The following COL4A1 variants were observed in gnomAD, a reference collection of about 807,000 sequenced individuals.
COL4A1 encodes the protein collagen alpha-1(IV) chain.
COL4A1 carries 40 observed loss-of-function variants against 216.6 expected under a neutral mutation model. The observed-to-expected ratio is 0.18, with a 90% CI of 0.14 to 0.24. The LOEUF (loss-of-function observed/expected upper bound fraction) is 0.24. Ranked by LOEUF, COL4A1 falls within the 10% of genes least tolerant of loss-of-function variation. COL4A1 has a pLI of 1.00. For missense variants in COL4A1, 1,628 were observed against 2,196.8 expected, an observed-to-expected ratio of 0.74 and a Z score of 5.18; for synonymous variants, 839 against 810.7, an observed-to-expected ratio of 1.03 and a Z score of -0.59.
intron 18 of COL4A1, 146 bp from the exon 19 acceptor site, chr13:110,201,668 G>T: frequency 1.2e-6 from 1 of 817,372 alleles, no homozygotes; most frequent in Non-Finnish European, 2.1e-6. Flanking sequence ...AGCGGACAAG[G>T]AGGAAGGGGA....
At chr13:110,238,343 C>T (rs1030753727) in intron 2 of COL4A1, among the ~76,000 whole-genome samples, 19 of 152,152 alleles carry the variant, frequency 1.2e-4, no homozygotes, top group Non-Finnish European at 2.6e-4. Context: ...TAGTAGAAAC[C>T]GTCAAATCTT....
chr13:110,206,983 C>A, intron 13 of COL4A1, 92 bp from the exon 14 acceptor site: 2 of 1,300,924 alleles, frequency 1.5e-6, no homozygotes, highest in South Asian at 2.5e-5. Context: ...AAAAAAAAAC[C>A]TTTTTCTGAT....
intron 1 of COL4A1, among the ~76,000 whole-genome samples, chr13:110,262,808 T>C (rs1485723240): frequency 1.3e-5 from 2 of 152,246 alleles, no homozygotes; most frequent in Non-Finnish European, 2.9e-5. Context: ...CCAATGGGTC[T>C]AAGTCTCCTT....
intron 2 of COL4A1, among the ~76,000 whole-genome samples, chr13:110,220,733 T>A (rs537613507): frequency 3.3e-5 from 5 of 152,080 alleles, no homozygotes; most frequent in Non-Finnish European, 5.9e-5. Context: ...CTGCCGATGA[T>A]GGAGATGAGC....
At chr13:110,197,028 A>G (rs2139185412) in intron 21 of COL4A1, among the ~76,000 whole-genome samples, 1 of 152,346 alleles carries the variant, frequency 6.6e-6, no homozygotes, top group Non-Finnish European at 1.5e-5. Flanking sequence ...CAGCTAACAC[A>G]TCCCATTCAA....
chr13:110,237,395 G>A (rs562051902), intron 2 of COL4A1, among the ~76,000 whole-genome samples: 8 of 152,234 alleles, frequency 5.3e-5, no homozygotes, highest in South Asian at 2.1e-4. Context: ...CCCACCCCCC[G>A]CCAGGAGACA....
intron 12 of COL4A1, among the ~76,000 whole-genome samples, chr13:110,208,577 T>A (rs1462163566): frequency 1.3e-5 from 2 of 152,156 alleles, no homozygotes; most frequent in African/African-American, 2.4e-5. Context: ...CGAAGAAGAG[T>A]TTGAACTCTT....
rs1566395531 is a variant in COL4A1 at position 110,230,143 on chromosome 13, A to AG, written c.144+12531dup. Among the ~76,000 whole-genome samples the AG allele has an allele frequency of 7.7e-4, 33 of 42,614 alleles. No individual in the cohort carries two copies. The East Asian group carries it at 0.022, about 29-fold the overall frequency. The allele number at this position is 42,614 out of a possible 152,430, so 28.0% of individuals were successfully genotyped here. Reference sequence around the variant, plus strand: ...CACGTGGTGGAGGGGGAGGGCTGGGAGGTTCCTGAAGAAAGTGCGTGTGTG... The same window carrying AG: ...CACGTGGTGGAGGGGGAGGGCTGGGAGGGTTCCTGAAGAAAGTGCGTGTGTG... On this transcript the variant is annotated intron_variant, in intron 2 of 51. Coordinates refer to ENST00000375820, the MANE Select transcript of COL4A1 (RefSeq NM_001845.6).
intron 2 of COL4A1, among the ~76,000 whole-genome samples, chr13:110,219,692 A>G (rs199564578): frequency 6.7e-4 from 63 of 93,936 alleles, no homozygotes; most frequent in Middle Eastern, 4.6e-3. Flanking sequence ...ATATATATGT[A>G]TATATATGTA....
At chr13:110,151,839 G>A (rs1876515015) in intron 51 of COL4A1, among the ~76,000 whole-genome samples, 2 of 152,276 alleles carry the variant, frequency 1.3e-5, no homozygotes, top group South Asian at 2.1e-4. Flanking sequence ...TAATGGAAAA[G>A]GAAGGAAGGG....
At chr13:110,267,064 T>C (rs1196872415) in intron 1 of COL4A1, among the ~76,000 whole-genome samples, 1 of 152,188 alleles carries the variant, frequency 6.6e-6, no homozygotes, top group Non-Finnish European at 1.5e-5. Context: ...AGCAAGCCTT[T>C]TTGAGCAGAT....
chr13:110,212,686 C>T (rs1879871767), intron 4 of COL4A1, 68 bp from the exon 5 acceptor site: 2 of 1,571,716 alleles, frequency 1.3e-6, no homozygotes, highest in Non-Finnish European at 1.7e-6. Context: ...TCCTGCATCT[C>T]CCCGGTTAAT....
At position 110,215,978 on chromosome 13, in the gene COL4A1, C is replaced by A. The variant is rs147363296; in HGVS notation, c.145-1963G>T. Among the ~76,000 whole-genome samples, 8 of 152,330 alleles carry A rather than the reference C, an allele frequency of 5.3e-5. No homozygotes were observed. The East Asian group carries it at 1.5e-3, about 29-fold the overall frequency. On this transcript the variant is annotated intron_variant, in intron 2 of 51. Transcript: ENST00000375820. ...GCTGTGTTTCGTTGAAAGGATATGT[C>A]AGGAGTCTAGACACAGTATGTGGAT...
chr13:110,258,548 AG>A (rs1369023943), intron 1 of COL4A1, among the ~76,000 whole-genome samples: 3 of 152,218 alleles, frequency 2.0e-5, no homozygotes, highest in Non-Finnish European at 4.4e-5. Flanking sequence ...TCAAAAAAAA[AG>A]AAAAGAAAAT....
chr13:110,213,160 A>G (rs763576750), intron 4 of COL4A1, among the ~76,000 whole-genome samples: 3 of 152,174 alleles, frequency 2.0e-5, no homozygotes, highest in Non-Finnish European at 4.4e-5. Context: ...ACTACGTAAC[A>G]GGTAGAGCGT....
intron 1 of COL4A1, chr13:110,305,880 T>C (rs1884679658): frequency 1.3e-5 from 2 of 152,374 alleles, no homozygotes; most frequent in South Asian, 4.1e-4. Flanking sequence ...AGTAAAATTT[T>C]TTTTTAAAGA....
At chr13:110,213,757 G>T in intron 4 of COL4A1, 25 bp downstream of exon 4, 1 of 1,611,828 alleles carries the variant, frequency 6.2e-7, no homozygotes, top group Non-Finnish European at 8.5e-7. Context: ...TGGAATCATC[G>T]ATTGTGAGTA....
chr13:110,223,530 A>G (rs1479209682), intron 2 of COL4A1, among the ~76,000 whole-genome samples: 1 of 152,208 alleles, frequency 6.6e-6, no homozygotes, highest in Non-Finnish European at 1.5e-5. Context: ...TTTCTCAAAT[A>G]TATATTTTTA....
Position 110,152,715 on chromosome 13 carries a change from G to A in COL4A1, c.4756-209C>T, listed in dbSNP as rs681884. On this transcript the variant is annotated intron_variant, in intron 50 of 51. Transcript: ENST00000375820. The stretch of plus-strand genomic sequence containing the variant: ...CATGGCTGGGGCCCCATGGTGCTCA[G>A]CATGGCCCCAGGGATCGTCTAATGG... 0.77 allele frequency among the ~76,000 whole-genome samples: 116,955 copies of A among 152,234 alleles called. 45,839 individuals carry two copies. The highest frequency in any genetic ancestry group is 0.99 in the East Asian group (5,091 of 5,156).
Sources: allele counts gnomAD v4.1 joint callset (sites outside exome capture counted in the v4.1 genomes callset), GRCh38; gene constraint gnomAD v4.1.1; transcripts MANE v1.5; gene names NCBI Gene and HGNC (gene_info 2026-07-23, HGNC 2026-07-21).